The following GABRA3 variants were observed in gnomAD, a reference collection of about 807,000 sequenced individuals.
GABRA3 encodes the protein gamma-aminobutyric acid type A receptor subunit alpha3, also known as gamma-aminobutyric acid receptor subunit alpha-3.
In GABRA3, 10 loss-of-function variants were observed where a neutral mutation model predicts 30.1. The ratio of observed to expected loss-of-function variants is 0.33; its 90% CI spans 0.20 to 0.56. The LOEUF is 0.56. Ranked by LOEUF, GABRA3 falls within the 20% of genes least tolerant of loss-of-function variation. GABRA3 has a pLI of 0.89. For synonymous variants in GABRA3, 151 were observed against 146.8 expected, an observed-to-expected ratio of 1.03 and a Z score of -0.21; for missense variants, 233 against 392.0, an observed-to-expected ratio of 0.59 and a Z score of 3.42.
At chrX:152,248,727 G>C (rs902498102) in intron 5 of GABRA3, among the ~76,000 whole-genome samples, 1 of 111,318 alleles carries the variant, frequency 9.0e-6, no homozygotes, top group Non-Finnish European at 1.9e-5. Flanking sequence ...AATTAGGTAG[G>C]AGTAATAAGT....
intron 2 of GABRA3, among the ~76,000 whole-genome samples, chrX:152,350,670 T>G (rs749112734): frequency 8.9e-6 from 1 of 111,783 alleles, no homozygotes; most frequent in Non-Finnish European, 1.9e-5. Flanking sequence ...AATGTTTATA[T>G]TTTGACCTGC....
chrX:152,393,388 T>C (rs756298298), intron 1 of GABRA3: 3 of 359,265 alleles, frequency 8.4e-6, no homozygotes, highest in East Asian at 1.6e-4. Flanking sequence ...TAAACTCATA[T>C]ACACGATGCA....
chrX:152,398,368 C>A (rs1444013404), intron 1 of GABRA3, among the ~76,000 whole-genome samples: 4 of 109,533 alleles, frequency 3.7e-5, no homozygotes, highest in Non-Finnish European at 5.7e-5. Flanking sequence ...ACACAGCAGA[C>A]CCTAAAGAGA....
chrX:152,212,969 G>A (rs1218464931), intron 6 of GABRA3, among the ~76,000 whole-genome samples: 1 of 110,995 alleles, frequency 9.0e-6, no homozygotes, highest in Non-Finnish European at 1.9e-5. Context: ...AGAGGAGCTG[G>A]GGTAGGGTGG....
chrX:152,396,316 C>T (rs757695474), intron 1 of GABRA3, among the ~76,000 whole-genome samples: 4 of 112,011 alleles, frequency 3.6e-5, no homozygotes, highest in Non-Finnish European at 7.5e-5. Flanking sequence ...TGATTTAGAA[C>T]TTTTAGCCTC....
chrX:152,257,463 G>T lies in GABRA3; in HGVS notation c.331-1465C>A, dbSNP rs73621199. ...TAAAATCCCCTAATGGCTTCCAATCGTATGTGGGATGAACTTTTCCTTGCC... is the reference window on the plus strand; with the variant it reads ...TAAAATCCCCTAATGGCTTCCAATCTTATGTGGGATGAACTTTTCCTTGCC... On this transcript the variant is annotated intron_variant, in intron 4 of 9. Coordinates refer to ENST00000370314, the MANE Select transcript of GABRA3 (RefSeq NM_000808.4). 7.1e-3 allele frequency among the ~76,000 whole-genome samples: 802 copies of T among 112,817 alleles called. 10 individuals are homozygous for T. Among genetic ancestry groups the T allele is most frequent in the African/African-American group, 0.025 (773 of 31,105 alleles).
chrX:152,251,927 CTTCCT>C (rs756767478), intron 5 of GABRA3, among the ~76,000 whole-genome samples: 142 of 110,909 alleles, frequency 1.3e-3, no homozygotes, highest in Non-Finnish European at 1.5e-3. Context: ...AGGTGTCCCT[CTTCCT>C]TTCAAGTAAA....
chrX:152,263,215 A>G (rs1938763419), intron 4 of GABRA3, among the ~76,000 whole-genome samples: 1 of 110,728 alleles, frequency 9.0e-6, no homozygotes, highest in African/African-American at 3.3e-5. Context: ...GACACAGCTA[A>G]ACCACATCAT....
chrX:152,238,329 C>T (rs1938274221), intron 5 of GABRA3, among the ~76,000 whole-genome samples: 1 of 97,254 alleles, frequency 1.0e-5, no homozygotes, highest in South Asian at 4.9e-4. Context: ...AGCCTTGCAT[C>T]CCAGGGATGA....
intron 1 of GABRA3, among the ~76,000 whole-genome samples, chrX:152,396,198 G>C (rs1929657468): frequency 9.0e-6 from 1 of 111,626 alleles, no homozygotes; most frequent in African/African-American, 3.3e-5. Flanking sequence ...TTAGAGATTG[G>C]AGTGATGCTG....
At chrX:152,384,896 A>G (rs1325989941) in intron 1 of GABRA3, among the ~76,000 whole-genome samples, 1 of 111,949 alleles carries the variant, frequency 8.9e-6, no homozygotes, top group East Asian at 2.8e-4. Context: ...ACAACATCAT[A>G]AGAAAAAGAG....
chrX:152,438,455 C>T (rs1045141251), intron 1 of GABRA3, among the ~76,000 whole-genome samples: 7 of 112,058 alleles, frequency 6.2e-5, no homozygotes, highest in African/African-American at 2.3e-4. Context: ...TTGCACTCCT[C>T]GGTATTTACC....
intron 6 of GABRA3, among the ~76,000 whole-genome samples, chrX:152,213,404 G>A (rs1937658828): frequency 9.0e-6 from 1 of 111,066 alleles, no homozygotes; most frequent in Admixed American, 9.6e-5. Context: ...TAGTAACAGA[G>A]TGATGCATGC....
chrX:152,419,369 T>C (rs1248254049), intron 1 of GABRA3, among the ~76,000 whole-genome samples: 1 of 110,544 alleles, frequency 9.0e-6, no homozygotes, highest in East Asian at 2.8e-4. Flanking sequence ...GCAAGCCTGA[T>C]GAATAACAAA....
chrX:152,226,966 C>T (rs111892094), intron 5 of GABRA3, among the ~76,000 whole-genome samples: 4,985 of 110,721 alleles, frequency 0.045, 291 homozygotes, highest in African/African-American at 0.16. Context: ...TTGTGGAAGT[C>T]GGTGTGGCGA....
At chrX:152,320,115 T>C (rs7049762) in intron 3 of GABRA3, among the ~76,000 whole-genome samples, 7,300 of 111,328 alleles carry the variant, frequency 0.066, 276 homozygotes, top group African/African-American at 0.12. Context: ...ACTTCTACAC[T>C]GCTGGTGGGA....
At chrX:152,327,257 C>T (rs948118876) in intron 3 of GABRA3, among the ~76,000 whole-genome samples, 11 of 110,879 alleles carry the variant, frequency 9.9e-5, no homozygotes, top group Non-Finnish European at 1.9e-4. Flanking sequence ...TAATGGGAGA[C>T]TTTAACACCC....
At chrX:152,266,192 A>G (rs1366286297) in intron 4 of GABRA3, among the ~76,000 whole-genome samples, 1 of 111,850 alleles carries the variant, frequency 8.9e-6, no homozygotes, top group Non-Finnish European at 1.9e-5. Flanking sequence ...AAAAAACTAC[A>G]AGACAATATA....
intron 1 of GABRA3, among the ~76,000 whole-genome samples, chrX:152,448,309 T>C (rs940858806): frequency 3.6e-5 from 4 of 112,339 alleles, no homozygotes; most frequent in African/African-American, 1.3e-4. Context: ...CCAGGAGATA[T>C]TTTTACACAT....
Sources: gnomAD v4.1 joint callset for allele counts (sites outside exome capture counted in the v4.1 genomes callset) on GRCh38, gnomAD v4.1.1 for gene constraint, MANE v1.5 for transcripts, NCBI Gene and HGNC (gene_info 2026-07-23, HGNC 2026-07-21) for gene names.